The following UGGT2 variants were observed in gnomAD, a reference collection of about 807,000 sequenced individuals.
The protein encoded by UGGT2 is UDP-glucose:glycoprotein glucosyltransferase 2.
A neutral mutation model predicts 192.1 loss-of-function variants in UGGT2; 180 were observed. That is an observed-to-expected ratio of 0.94 (90% CI 0.83 to 1.06). The LOEUF is 1.06. Ranked by LOEUF, UGGT2 falls within the 50% of genes least tolerant of loss-of-function variation. The pLI is 0.00. For synonymous variants in UGGT2, 580 were observed against 591.0 expected (o/e 0.98, Z 0.27); for missense variants, 1,849 against 1,795.7 (o/e 1.03, Z -0.54).
At chr13:95,913,466 C>T (rs2048571855) in intron 20 of UGGT2, among the ~76,000 whole-genome samples, 1 of 152,212 alleles carries the variant, frequency 6.6e-6, no homozygotes, top group Non-Finnish European at 1.5e-5. Flanking sequence ...GACATCTACA[C>T]AACCAACAGA....
intron 31 of UGGT2, among the ~76,000 whole-genome samples, chr13:95,862,308 G>T (rs772211895): frequency 7.2e-5 from 11 of 152,104 alleles, no homozygotes; most frequent in Non-Finnish European, 1.6e-4. Context: ...ATCTATTTGG[G>T]CTAACATTTC....
chr13:96,050,044 A>C (rs1352382165), intron 1 of UGGT2, among the ~76,000 whole-genome samples: 1 of 152,204 alleles, frequency 6.6e-6, no homozygotes, highest in Non-Finnish European at 1.5e-5. Context: ...CAAAAAGAAC[A>C]AAGCTGGAGG....
At chr13:96,051,366 T>C (rs148679214) in intron 1 of UGGT2, among the ~76,000 whole-genome samples, 7,682 of 152,196 alleles carry the variant, frequency 0.05, 333 homozygotes, top group East Asian at 0.15. Context: ...CATTAGGAGA[T>C]ACACCTAATG....
chr13:96,006,195 G>T (rs2051968365), intron 5 of UGGT2, among the ~76,000 whole-genome samples: 1 of 152,198 alleles, frequency 6.6e-6, no homozygotes, highest in African/African-American at 2.4e-5. Flanking sequence ...ACATATGAGT[G>T]ATCAGAAAGG....
intron 12 of UGGT2, among the ~76,000 whole-genome samples, chr13:95,962,772 T>C (rs2050439794): frequency 6.6e-6 from 1 of 152,010 alleles, no homozygotes; most frequent in South Asian, 2.1e-4. Context: ...ATATTCCTGA[T>C]TGTATTAGTC....
At chr13:95,817,685 G>T (rs1331059700) in intron 38 of UGGT2, among the ~76,000 whole-genome samples, 1 of 151,896 alleles carries the variant, frequency 6.6e-6, no homozygotes, top group Non-Finnish European at 1.5e-5. Context: ...ACATGCAAAA[G>T]CAAATTCAAA....
rs986097806 is a variant in UGGT2, at chr13:96,026,821, T to G, written c.242-3062A>C. Among the ~76,000 whole-genome samples, 6 of 152,024 alleles carry G rather than the reference T, an allele frequency of 3.9e-5. No individual in the cohort carries two copies. The East Asian group carries it at 5.8e-4, about 15-fold the overall frequency. On this transcript the variant is annotated intron_variant, in intron 2 of 38. Coordinates refer to ENST00000376747, the MANE Select transcript of UGGT2 (RefSeq NM_020121.4). ...CGAGTAGCTGGGACTACAGGCGCCC[T>G]CCACCGCGCCCGGCTAATTTTTTGT...
chr13:96,033,324 G>A (rs1178771728), intron 1 of UGGT2, among the ~76,000 whole-genome samples: 1 of 152,216 alleles, frequency 6.6e-6, no homozygotes, highest in Non-Finnish European at 1.5e-5. Flanking sequence ...TATGGCCAGG[G>A]TTGTGTACTC....
intron 1 of UGGT2, among the ~76,000 whole-genome samples, chr13:96,034,020 G>A (rs1009203965): frequency 3.3e-5 from 5 of 152,140 alleles, no homozygotes; most frequent in East Asian, 1.9e-4. Context: ...CAGTGAGAAC[G>A]TACGGTGTTT....
At chr13:96,006,920 G>A (rs1340819487) in intron 5 of UGGT2, among the ~76,000 whole-genome samples, 1 of 152,100 alleles carries the variant, frequency 6.6e-6, no homozygotes, top group Non-Finnish European at 1.5e-5. Flanking sequence ...TTGAAGAGGA[G>A]AGAACACCTC....
At chr13:95,908,515 A>T (rs1471031184) in intron 20 of UGGT2, among the ~76,000 whole-genome samples, 4 of 152,194 alleles carry the variant, frequency 2.6e-5, no homozygotes, top group Non-Finnish European at 5.9e-5. Context: ...TCCCTGAGGA[A>T]TCGCCACACT....
chr13:95,920,136 G>C (rs531708673), intron 20 of UGGT2, among the ~76,000 whole-genome samples: 1 of 152,120 alleles, frequency 6.6e-6, no homozygotes, highest in East Asian at 1.9e-4. Context: ...TGCTGGAAGT[G>C]CTGGCTAGCC....
chr13:95,979,299 C>A (rs1327503658), intron 10 of UGGT2, among the ~76,000 whole-genome samples: 2 of 152,074 alleles, frequency 1.3e-5, no homozygotes, highest in Non-Finnish European at 2.9e-5. Flanking sequence ...TAAAACCAAA[C>A]TCAAATTCAG....
intron 38 of UGGT2, among the ~76,000 whole-genome samples, chr13:95,807,079 T>C (rs1884343052): frequency 6.6e-6 from 1 of 152,200 alleles, no homozygotes; most frequent in Non-Finnish European, 1.5e-5. Context: ...ACTAATAGCC[T>C]ACTGTTGACT....
At chr13:96,043,039 A>G (rs149888582) in intron 1 of UGGT2, among the ~76,000 whole-genome samples, 1 of 152,318 alleles carries the variant, frequency 6.6e-6, no homozygotes, top group East Asian at 1.9e-4. Flanking sequence ...ACACAAAAAG[A>G]TCATTGCCTA....
At chr13:96,001,708 A>G (rs928571819) in intron 5 of UGGT2, among the ~76,000 whole-genome samples, 15 of 152,138 alleles carry the variant, frequency 9.9e-5, no homozygotes, top group African/African-American at 3.6e-4. Flanking sequence ...TTTTCTTATA[A>G]ATTTTTACAA....
intron 38 of UGGT2, among the ~76,000 whole-genome samples, chr13:95,828,688 C>T (rs564936530): frequency 2.0e-5 from 3 of 152,024 alleles, no homozygotes; most frequent in African/African-American, 7.2e-5. Context: ...AGCCTACCAA[C>T]CAAAAAAAAC....
chr13:95,812,157 A>T (rs1276993430), intron 38 of UGGT2, among the ~76,000 whole-genome samples: 1 of 152,242 alleles, frequency 6.6e-6, no homozygotes, highest in Non-Finnish European at 1.5e-5. Flanking sequence ...ATAGCCACAG[A>T]TAATACATGA....
intron 38 of UGGT2, among the ~76,000 whole-genome samples, chr13:95,828,287 A>G (rs1469146678): frequency 6.6e-6 from 1 of 152,144 alleles, no homozygotes; most frequent in Non-Finnish European, 1.5e-5. Flanking sequence ...AAACGCATCC[A>G]AAAGCTAGCA....
Sources: gnomAD v4.1 joint callset for allele counts (sites outside exome capture counted in the v4.1 genomes callset) on GRCh38, gnomAD v4.1.1 for gene constraint, MANE v1.5 for transcripts, NCBI Gene and HGNC (gene_info 2026-07-23, HGNC 2026-07-21) for gene names.